Variants in TAFA4 observed in about 807,000 individuals in gnomAD.
TAFA4 encodes the protein TAFA chemokine like family member 4, also known as chemokine-like protein TAFA-4.
A neutral mutation model predicts 21.1 loss-of-function variants in TAFA4; 20 were observed. The ratio of observed to expected loss-of-function variants is 0.95; its 90% CI spans 0.67 to 1.38. The LOEUF (loss-of-function observed/expected upper bound fraction) is 1.38, where lower values mean the gene tolerates loss of function less well. Among genes scored for constraint, TAFA4 ranks in the 40% most tolerant of loss-of-function variants. The pLI is 0.00. For synonymous variants in TAFA4, 71 were observed against 67.4 expected, an observed-to-expected ratio of 1.05 and a Z score of -0.26; for missense variants, 211 against 180.9, an observed-to-expected ratio of 1.17 and a Z score of -0.95.
Position 68,832,691 on chromosome 3 carries a change from T to C in TAFA4, c.130+48039A>G, listed in dbSNP as rs1338513706. Among the ~76,000 whole-genome samples the C allele has an allele frequency of 2.9e-4, 44 of 152,212 alleles. 1 individual carries two copies. The highest frequency in any genetic ancestry group is 2.7e-3 in the Admixed American group (42 of 15,278). On this transcript the variant is annotated intron_variant, in intron 3 of 5. Transcript: ENST00000295569. ...GTCCATTATCAGAGCTTGAATGCCA[T>C]GCTGGGAGAAACACTGCTCTCTTCA...
intron 3 of TAFA4, among the ~76,000 whole-genome samples, chr3:68,797,354 C>A (rs1422595717): frequency 1.3e-5 from 2 of 152,252 alleles, no homozygotes; most frequent in Admixed American, 6.5e-5. Context: ...TGGCTCACAC[C>A]TGTAATCCCA....
chr3:68,741,893 T>G (rs1395271852), intron 4 of TAFA4, among the ~76,000 whole-genome samples: 2 of 152,176 alleles, frequency 1.3e-5, no homozygotes, highest in African/African-American at 2.4e-5. Flanking sequence ...CGGCATTACC[T>G]TCATGCCAAA....
At chr3:68,837,121 G>A (rs1704541065) in intron 3 of TAFA4, among the ~76,000 whole-genome samples, 1 of 152,200 alleles carries the variant, frequency 6.6e-6, no homozygotes. Flanking sequence ...TTGAATAATT[G>A]CAACAGAGGC....
At chr3:68,851,891 G>A (rs1704959760) in intron 3 of TAFA4, among the ~76,000 whole-genome samples, 1 of 152,098 alleles carries the variant, frequency 6.6e-6, no homozygotes. Flanking sequence ...AGATCTATAG[G>A]ACAAGGGTGA....
intron 1 of TAFA4, among the ~76,000 whole-genome samples, chr3:68,910,059 C>T (rs769807989): frequency 3.9e-5 from 6 of 152,214 alleles, no homozygotes; most frequent in African/African-American, 7.2e-5. Flanking sequence ...ACCTGCAGTC[C>T]TTTACCACAT....
rs1484316577 is a variant in TAFA4 at position 68,885,438 on chromosome 3, A to C, written c.-122-128T>G. 100 of 513,828 alleles carry C rather than the reference A, an allele frequency of 1.9e-4. 3 individuals are homozygous for C. In the East Asian group the frequency reaches 3.2e-3, roughly 16 times the overall value. The allele number at this position is 513,828 out of a possible 1,614,324, so 31.8% of individuals were successfully genotyped here. On this transcript the variant is annotated intron_variant, in intron 1 of 5. Transcript: ENST00000295569. ...CTGCAGTTTCAGGCAAGTGGCAGAC[A>C]GCCAAACATATCCATAGTTGTAAGG...
intron 3 of TAFA4, among the ~76,000 whole-genome samples, chr3:68,858,715 G>A (rs1705128554): frequency 6.6e-6 from 1 of 151,864 alleles, no homozygotes; most frequent in Admixed American, 6.6e-5. Flanking sequence ...GTTCAGAGAG[G>A]TTAAGTAACC....
chr3:68,761,141 T>C (rs562190628), intron 3 of TAFA4, among the ~76,000 whole-genome samples: 8 of 152,340 alleles, frequency 5.3e-5, no homozygotes, highest in African/African-American at 7.2e-5. Context: ...CCTCTCAGTC[T>C]TGCATTTCGC....
chr3:68,881,980 T>C (rs2089623908), intron 2 of TAFA4, among the ~76,000 whole-genome samples: 1 of 152,182 alleles, frequency 6.6e-6, no homozygotes, highest in Non-Finnish European at 1.5e-5. Flanking sequence ...GCTGCCAACA[T>C]TCTCTCTCCG....
intron 1 of TAFA4, among the ~76,000 whole-genome samples, chr3:68,894,798 TA>T (rs1195193065): frequency 6.6e-6 from 1 of 152,154 alleles, no homozygotes; most frequent in Non-Finnish European, 1.5e-5. Flanking sequence ...CACAGAACAG[TA>T]AAAGTAAAGA....
intron 1 of TAFA4, among the ~76,000 whole-genome samples, chr3:68,930,635 T>C (rs150780792): frequency 5.6e-4 from 86 of 152,298 alleles, no homozygotes; most frequent in African/African-American, 2.0e-3. Flanking sequence ...CTTCCACAAA[T>C]GAGCCATGCC....
intron 3 of TAFA4, among the ~76,000 whole-genome samples, chr3:68,835,876 C>T (rs546030140): frequency 6.6e-6 from 1 of 152,332 alleles, no homozygotes; most frequent in East Asian, 1.9e-4. Flanking sequence ...CACTTCAGGG[C>T]TGCCATTTTA....
At chr3:68,737,492 G>C (rs1391952051) in intron 5 of TAFA4, among the ~76,000 whole-genome samples, 1 of 152,074 alleles carries the variant, frequency 6.6e-6, no homozygotes, top group East Asian at 1.9e-4. Context: ...GGATAAGTTA[G>C]TTGACAACCG....
chr3:68,818,195 T>C (rs1030942786), intron 3 of TAFA4, among the ~76,000 whole-genome samples: 1 of 152,224 alleles, frequency 6.6e-6, no homozygotes, highest in African/African-American at 2.4e-5. Flanking sequence ...ATGGCTTCTT[T>C]CTTTAATCCT....
chr3:68,781,831 C>T (rs1314372927), intron 3 of TAFA4, among the ~76,000 whole-genome samples: 1 of 152,094 alleles, frequency 6.6e-6, no homozygotes, highest in Non-Finnish European at 1.5e-5. Flanking sequence ...ACAGATATCT[C>T]GCATAAAATA....
rs185618226 is a variant in TAFA4 at position 68,890,208 on chromosome 3, A to G, written c.-122-4898T>C. On this transcript the variant is annotated intron_variant, in intron 1 of 5. Transcript: ENST00000295569. ...GAAGAGCAGGATAGAGGGAACGAAG[A>G]AGAGAAAGGGAATTAATGAATGCAA... Among the ~76,000 whole-genome samples, 202 of 152,328 alleles carry G rather than the reference A, an allele frequency of 1.3e-3. No individual in the cohort carries two copies. In the Middle Eastern group the frequency reaches 0.017, roughly 13 times the overall value.
intron 3 of TAFA4, among the ~76,000 whole-genome samples, chr3:68,815,450 C>G (rs969531812): frequency 2.6e-5 from 4 of 152,122 alleles, no homozygotes; most frequent in African/African-American, 9.7e-5. Flanking sequence ...CTACAATAAA[C>G]TCAAACAAAT....
At chr3:68,810,924 G>C (rs1359914470) in intron 3 of TAFA4, among the ~76,000 whole-genome samples, 3 of 152,196 alleles carry the variant, frequency 2.0e-5, no homozygotes, top group Non-Finnish European at 4.4e-5. Context: ...GCAACCCCCA[G>C]TAGGGGCAGT....
intron 3 of TAFA4, among the ~76,000 whole-genome samples, chr3:68,789,597 C>T (rs1703326590): frequency 6.6e-6 from 1 of 151,974 alleles, no homozygotes; most frequent in South Asian, 2.1e-4. Flanking sequence ...ATCTCTGACC[C>T]CAGCTTTATT....
Sources: gnomAD v4.1 joint callset for allele counts (sites outside exome capture counted in the v4.1 genomes callset) on GRCh38, gnomAD v4.1.1 for gene constraint, MANE v1.5 for transcripts, NCBI Gene and HGNC (gene_info 2026-07-23, HGNC 2026-07-21) for gene names.